The following PCDHA1 variants were observed in gnomAD, a reference collection of about 807,000 sequenced individuals.
PCDHA1 encodes protocadherin alpha-1.
In PCDHA1, 42 loss-of-function variants were observed where a neutral mutation model predicts 61.3. The ratio of observed to expected loss-of-function variants is 0.69; its 90% CI spans 0.54 to 0.89. The LOEUF is 0.89. PCDHA1 is among the 40% of genes least tolerant of loss of function. The pLI, the probability that PCDHA1 is intolerant of heterozygous loss-of-function variation, is 0.00. For synonymous variants in PCDHA1, 610 were observed against 553.8 expected (o/e 1.10, Z -1.43); for missense variants, 1,256 against 1,235.3 (o/e 1.02, Z -0.25).
Position 140,788,087 on chromosome 5 carries a change from C to A in PCDHA1, c.1797C>A (p.Ala599=). ...HVVAKVRAVD[A]DSGYNAWLSY... The stretch of plus-strand genomic sequence containing the variant: ...TGGCGAAGGTGCGCGCAGTGGACGC[C>A]GACTCGGGCTACAACGCGTGGCTGT... The change falls in exon 1 of 4, where the codon GCC becomes GCA. Residue 599 remains alanine (A), a synonymous_variant. Transcript: ENST00000504120. The A allele has an allele frequency of 1.2e-6, 2 of 1,613,960 alleles. No individual in the cohort carries two copies. The highest frequency in any genetic ancestry group is 2.2e-5 in the East Asian group (1 of 44,860).
At position 140,978,992 on chromosome 5, in the gene PCDHA1, G is replaced by T. The variant is rs1363421000; in HGVS notation, c.2438G>T (p.Arg813Ile). The change falls in exon 2 of 4, where the codon AGA (arginine) becomes ATA (isoleucine). Residue 813 changes from arginine to isoleucine, a missense_variant. Arg to Ile is a moderately conservative substitution (Grantham distance 97). Transcript: ENST00000504120. ...NPDWRYSASL[R>I]AGMHSSVHLE... Reference sequence around the variant, plus strand: ...GACTGGCGTTACTCTGCCTCCCTGAGAGCAGGCATGCACAGGTATGTATTT... The same window carrying T: ...GACTGGCGTTACTCTGCCTCCCTGATAGCAGGCATGCACAGGTATGTATTT... The T allele has an allele frequency of 8.1e-6, 13 of 1,614,060 alleles. No homozygotes were observed. Among genetic ancestry groups the T allele is most frequent in the Non-Finnish European group, 1.1e-5 (13 of 1,180,034 alleles).
At chr5:140,838,854 C>T (rs1775911734) in intron 1 of PCDHA1, among the ~76,000 whole-genome samples, 1 of 151,798 alleles carries the variant, frequency 6.6e-6, no homozygotes, top group African/African-American at 2.4e-5. Flanking sequence ...CCAGGGAGGT[C>T]CAAGCTGCAG....
chr5:140,852,764 A>T (rs1488234251), intron 1 of PCDHA1: 1 of 983,098 alleles, frequency 1.0e-6, no homozygotes, highest in Non-Finnish European at 1.2e-6. Flanking sequence ...CAGGTATCTG[A>T]TTATTTGATG....
intron 1 of PCDHA1, chr5:140,816,740 A>T (rs2126674526): frequency 5.3e-4 from 81 of 151,982 alleles, no homozygotes; most frequent in African/African-American, 1.9e-3. Context: ...TTTTCTGTGG[A>T]TGCATCTTCT....
intron 1 of PCDHA1, chr5:140,816,178 C>A (rs1368822444): frequency 6.6e-6 from 1 of 152,104 alleles, no homozygotes; most frequent in African/African-American, 2.4e-5. Flanking sequence ...ATTTCTTAGG[C>A]TTTCTTTACT....
chr5:140,984,964 G>C (rs930753325), intron 3 of PCDHA1, among the ~76,000 whole-genome samples: 1 of 151,818 alleles, frequency 6.6e-6, no homozygotes, highest in Non-Finnish European at 1.5e-5. Context: ...TTGAGACAGA[G>C]TCTCGCTCTG....
At chr5:140,907,500 G>T (rs2073413620) in intron 1 of PCDHA1, among the ~76,000 whole-genome samples, 1 of 152,228 alleles carries the variant, frequency 6.6e-6, no homozygotes, top group Non-Finnish European at 1.5e-5. Flanking sequence ...TCCAGAGTAA[G>T]TGTCTATTCC....
At chr5:140,805,602 A>C in intron 1 of PCDHA1, 3 of 923,590 alleles carry the variant, frequency 3.2e-6, no homozygotes, top group Non-Finnish European at 3.9e-6. Context: ...TTATATATTA[A>C]ATTTCTTTAT....
intron 1 of PCDHA1, chr5:140,796,430 T>C: frequency 6.2e-7 from 1 of 1,613,668 alleles, no homozygotes; most frequent in South Asian, 1.1e-5. Flanking sequence ...GAGAACGCGC[T>C]GGTGTCCTAC....
At chr5:140,795,136 G>A (rs377636774) in intron 1 of PCDHA1, 1 of 1,614,088 alleles carries the variant, frequency 6.2e-7, no homozygotes, top group Non-Finnish European at 8.5e-7. Context: ...GGAGCTGGAG[G>A]AGCTGGTGCC....
chr5:140,877,944 A>C (rs538675333), intron 1 of PCDHA1: 48 of 1,359,672 alleles, frequency 3.5e-5, no homozygotes, highest in Non-Finnish European at 4.6e-5. Context: ...CCTTTAAACT[A>C]TCGAATGTCT....
intron 1 of PCDHA1, chr5:140,969,200 G>C (rs2096305926): frequency 1.2e-6 from 2 of 1,614,132 alleles, no homozygotes; most frequent in Non-Finnish European, 1.7e-6. Flanking sequence ...TTACAATACA[G>C]GGGCCCAGAC....
At chr5:140,966,695 C>CGGGCGTG in intron 1 of PCDHA1, 1 of 1,358,486 alleles carries the variant, frequency 7.4e-7, no homozygotes, top group Non-Finnish European at 9.5e-7. Flanking sequence ...AGGCGGGGCC[C>CGGGCGTG]GGGCGTGGGG....
At chr5:140,908,958 T>C (rs555962129) in intron 1 of PCDHA1, among the ~76,000 whole-genome samples, 2 of 152,268 alleles carry the variant, frequency 1.3e-5, no homozygotes, top group East Asian at 3.9e-4. Context: ...AGAAGGAATA[T>C]CTTGATAGGC....
chr5:140,790,275 T>C lies in PCDHA1; in HGVS notation c.2394+1591T>C, dbSNP rs1261757391. Among the ~76,000 whole-genome samples the C allele has an allele frequency of 3.3e-5, 5 of 152,332 alleles. No homozygotes were observed. In the East Asian group the frequency reaches 5.8e-4, roughly 18 times the overall value. ...ATGTAGACATCATTGTATTTGGTAG[T>C]CATTCAGTCAAGGGCATAATGTTAA... On this transcript the variant is annotated intron_variant, in intron 1 of 3. Coordinates refer to ENST00000504120, the MANE Select transcript of PCDHA1 (RefSeq NM_018900.4).
At chr5:140,852,770 T>C in intron 1 of PCDHA1, 7 of 981,816 alleles carry the variant, frequency 7.1e-6, no homozygotes, top group Non-Finnish European at 8.6e-6. Flanking sequence ...TCTGATTATT[T>C]GATGTGAATA....
At chr5:140,857,102 A>G in intron 1 of PCDHA1, 1 of 1,597,722 alleles carries the variant, frequency 6.3e-7, no homozygotes, top group Non-Finnish European at 8.6e-7. Context: ...GGTGATTGTC[A>G]CTTCTCTGTC....
chr5:140,994,272 C>G (rs1400320599), intron 3 of PCDHA1, among the ~76,000 whole-genome samples: 1 of 152,168 alleles, frequency 6.6e-6, no homozygotes, highest in Non-Finnish European at 1.5e-5. Context: ...GCTAGGCTGC[C>G]TTTCTTGAGA....
At chr5:140,969,241 A>G (rs1554231627) in intron 1 of PCDHA1, 2 of 1,614,230 alleles carry the variant, frequency 1.2e-6, no homozygotes, top group Admixed American at 3.3e-5. Context: ...CCCAAGCAGC[A>G]GTGACTGACA....
Sources: allele counts gnomAD v4.1 joint callset (sites outside exome capture counted in the v4.1 genomes callset), GRCh38; gene constraint gnomAD v4.1.1; transcripts MANE v1.5; gene names NCBI Gene and HGNC (gene_info 2026-07-23, HGNC 2026-07-21).